The following ATRNL1 variants were observed in gnomAD, a reference collection of about 807,000 sequenced individuals.
ATRNL1 encodes attractin like 1.
In ATRNL1, 95 loss-of-function variants were observed where a neutral mutation model predicts 182.7. The observed-to-expected ratio is 0.52, with a 90% CI of 0.44 to 0.62. The LOEUF (loss-of-function observed/expected upper bound fraction) is 0.62. Among genes scored for constraint, ATRNL1 ranks in the 20% least tolerant of loss-of-function variants. The pLI is 0.00. For synonymous variants in ATRNL1, 576 were observed against 568.3 expected (o/e 1.01, Z -0.19); for missense variants, 1,471 against 1,679.5 (o/e 0.88, Z 2.17).
At chr10:115,124,028 A>G (rs189484599) in intron 3 of ATRNL1, among the ~76,000 whole-genome samples, 75 of 152,084 alleles carry the variant, frequency 4.9e-4, no homozygotes, top group African/African-American at 1.6e-3. Flanking sequence ...ATTTGATTAC[A>G]TATTACAATG....
chr10:115,257,705 A>C (rs909878389), intron 10 of ATRNL1, among the ~76,000 whole-genome samples: 3 of 152,178 alleles, frequency 2.0e-5, no homozygotes, highest in African/African-American at 7.2e-5. Flanking sequence ...TGTAGCATCT[A>C]TGGTCTTTGT....
chr10:115,385,873 A>T (rs1200953556), intron 19 of ATRNL1, among the ~76,000 whole-genome samples: 4 of 152,190 alleles, frequency 2.6e-5, no homozygotes, highest in African/African-American at 9.6e-5. Context: ...TTGATGGAAT[A>T]TGTGTAGGAT....
chr10:115,782,214 C>T (rs1249578407), intron 27 of ATRNL1, among the ~76,000 whole-genome samples: 1 of 152,162 alleles, frequency 6.6e-6, no homozygotes, highest in Non-Finnish European at 1.5e-5. Context: ...CAATCTGAAT[C>T]AGGTAAGATC....
chr10:115,425,763 G>T (rs1193281983), intron 20 of ATRNL1, among the ~76,000 whole-genome samples: 1 of 152,030 alleles, frequency 6.6e-6, no homozygotes, highest in African/African-American at 2.4e-5. Context: ...TAAAAATACA[G>T]ATTAATTGGT....
intron 21 of ATRNL1, among the ~76,000 whole-genome samples, chr10:115,446,396 G>C (rs975853782): frequency 2.6e-5 from 4 of 151,582 alleles, no homozygotes; most frequent in African/African-American, 9.7e-5. Context: ...AATTTATTTA[G>C]CTCTCTTTTT....
chr10:115,679,137 A>C (rs181407885), intron 26 of ATRNL1, among the ~76,000 whole-genome samples: 30 of 152,192 alleles, frequency 2.0e-4, no homozygotes, highest in Non-Finnish European at 2.9e-5. Context: ...TACTCTCTGG[A>C]AGGTACTTCT....
intron 19 of ATRNL1, among the ~76,000 whole-genome samples, chr10:115,352,729 C>A (rs1856316815): frequency 6.6e-6 from 1 of 152,096 alleles, no homozygotes; most frequent in African/African-American, 2.4e-5. Flanking sequence ...GAAACCCTGT[C>A]TGTACTAAAA....
intron 27 of ATRNL1, among the ~76,000 whole-genome samples, chr10:115,785,961 A>G (rs1555080340): frequency 6.6e-6 from 1 of 152,068 alleles, no homozygotes; most frequent in African/African-American, 2.4e-5. Flanking sequence ...GTTTCCGATA[A>G]TATGTTCTTC....
intron 7 of ATRNL1, among the ~76,000 whole-genome samples, chr10:115,167,657 A>G (rs1485622202): frequency 6.6e-6 from 1 of 152,116 alleles, no homozygotes; most frequent in Non-Finnish European, 1.5e-5. Flanking sequence ...TGGGAGCAGT[A>G]TAAAGAACAA....
chr10:115,329,565 A>T (rs924226719), intron 18 of ATRNL1, among the ~76,000 whole-genome samples: 1 of 152,080 alleles, frequency 6.6e-6, no homozygotes, highest in Non-Finnish European at 1.5e-5. Flanking sequence ...AGTTACTCCA[A>T]TGTGCATTCC....
intron 1 of ATRNL1, chr10:115,096,719 G>A: frequency 7.8e-7 from 1 of 1,287,884 alleles, no homozygotes; most frequent in South Asian, 1.2e-5. Context: ...GGGAAGAAAT[G>A]CAGAAGCAAA....
chr10:115,931,865 G>C (rs772085830), intron 28 of ATRNL1, among the ~76,000 whole-genome samples: 1 of 152,080 alleles, frequency 6.6e-6, no homozygotes, highest in Non-Finnish European at 1.5e-5. Flanking sequence ...GAAACATGTC[G>C]GCAGGGATTG....
Position 115,530,641 on chromosome 10 carries a change from A to G in ATRNL1, c.3716+11317A>G, listed in dbSNP as rs375753816. Reference sequence around the variant, plus strand: ...AAAAATAAGACTTTTTATTATTATTATTATACTTTAAGTTTTAGGGTACAC... The same window carrying G: ...AAAAATAAGACTTTTTATTATTATTGTTATACTTTAAGTTTTAGGGTACAC... On this transcript the variant is annotated intron_variant, in intron 25 of 28. Coordinates refer to ENST00000355044, the MANE Select transcript of ATRNL1 (RefSeq NM_207303.4). Among the ~76,000 whole-genome samples the G allele has an allele frequency of 2.6e-4, 40 of 152,198 alleles. 1 individual carries two copies. The South Asian group carries it at 8.1e-3, about 31-fold the overall frequency.
chr10:115,651,713 A>G (rs1860017124), intron 26 of ATRNL1, among the ~76,000 whole-genome samples: 1 of 152,172 alleles, frequency 6.6e-6, no homozygotes, highest in African/African-American at 2.4e-5. Flanking sequence ...CCATCTTGCT[A>G]GAAGTTATTA....
rs1341813361 is a variant in ATRNL1 at position 115,300,077 on chromosome 10, A to T, written c.2459A>T (p.Tyr820Phe). 1 of 1,613,884 alleles carries T rather than the reference A, an allele frequency of 6.2e-7. No homozygotes were observed. The highest frequency in any genetic ancestry group is 2.2e-5 in the East Asian group (1 of 44,884). ...GGCTTGCGCAAGATCAATATATCCT[A>T]TTGGGGATGGGAAGACATGTCTCCT... ...WVGLRKINIS[Y>F]WGWEDMSPFT... The change falls in exon 16 of 29, where the codon TAT (tyrosine) becomes TTT (phenylalanine). Residue 820 changes from tyrosine to phenylalanine, a missense_variant. Transcript: ENST00000355044.
At chr10:115,433,792 A>G (rs1361167105) in intron 21 of ATRNL1, among the ~76,000 whole-genome samples, 2 of 152,308 alleles carry the variant, frequency 1.3e-5, no homozygotes, top group Admixed American at 6.5e-5. Context: ...TTTGACTTAT[A>G]TATTTTACAA....
intron 1 of ATRNL1, among the ~76,000 whole-genome samples, chr10:115,103,728 A>T (rs1843883036): frequency 6.6e-6 from 1 of 151,958 alleles, no homozygotes; most frequent in Admixed American, 6.6e-5. Flanking sequence ...CCATCATTCT[A>T]CTCTGTCTCC....
intron 26 of ATRNL1, among the ~76,000 whole-genome samples, chr10:115,567,500 G>A (rs1267420877): frequency 1.3e-5 from 2 of 152,022 alleles, no homozygotes; most frequent in East Asian, 3.9e-4. Flanking sequence ...TCAATTAAAA[G>A]TACATATCAC....
intron 28 of ATRNL1, among the ~76,000 whole-genome samples, chr10:115,887,150 G>T (rs1951965162): frequency 6.6e-6 from 1 of 152,162 alleles, no homozygotes; most frequent in South Asian, 2.1e-4. Context: ...ATCCCTAGGT[G>T]ATACGATTGC....
Sources: allele counts gnomAD v4.1 joint callset (sites outside exome capture counted in the v4.1 genomes callset), GRCh38; gene constraint gnomAD v4.1.1; transcripts MANE v1.5; gene names NCBI Gene and HGNC (gene_info 2026-07-23, HGNC 2026-07-21).